IFI27L1: variants seen among roughly 807,000 people sequenced by gnomAD.
IFI27L1 encodes the protein interferon alpha inducible protein 27 like 1.
IFI27L1 carries 3 observed loss-of-function variants against 9.2 expected under a neutral mutation model. That is an observed-to-expected ratio of 0.32 (90% CI 0.15 to 0.84). The LOEUF (loss-of-function observed/expected upper bound fraction) is 0.84, where lower values mean the gene tolerates loss of function less well. Ranked by LOEUF, IFI27L1 falls within the 40% of genes least tolerant of loss-of-function variation. The pLI, the probability that IFI27L1 is intolerant of heterozygous loss-of-function variation, is 0.56. For missense variants in IFI27L1, 133 were observed against 134.2 expected, an observed-to-expected ratio of 0.99 and a Z score of 0.05; for synonymous variants, 53 against 50.0, an observed-to-expected ratio of 1.06 and a Z score of -0.26.
At chr14:94,091,502 A>G (rs942782365) in intron 1 of IFI27L1, among the ~76,000 whole-genome samples, 10 of 152,234 alleles carry the variant, frequency 6.6e-5, no homozygotes, top group African/African-American at 1.9e-4. Flanking sequence ...TTTATACCAA[A>G]TAAGGCAAAT....
At chr14:94,101,681 T>G (rs926392209) in intron 3 of IFI27L1, 133 bp from the exon 4 acceptor site, 4 of 829,376 alleles carry the variant, frequency 4.8e-6, no homozygotes, top group Non-Finnish European at 7.5e-6. Context: ...TGCCCTTGTT[T>G]TGGGATCCCA....
At position 94,101,880 on chromosome 14, in the gene IFI27L1, C is replaced by T. The variant is rs1595400120; in HGVS notation, c.128C>T (p.Ala43Val). 1 of 1,614,254 alleles carries T rather than the reference C, an allele frequency of 6.2e-7. No homozygotes were observed. The highest frequency in any genetic ancestry group is 8.5e-7 in the Non-Finnish European group (1 of 1,180,038). The change falls in exon 4 of 5, where the codon GCA becomes GTA. Residue 43 changes from alanine (A) to valine (V), a missense_variant. Physicochemically the swap from Ala to Val is moderately conservative, Grantham distance 64. Coordinates refer to ENST00000555523, the MANE Select transcript of IFI27L1 (RefSeq NM_206949.3). ...GGCTTCACCTCAGTAGGAATCGCCG[C>T]ATCCTCCATAGCAGCCAAGATGATG... Reference protein sequence around the residue: ...AMGFTSVGIAASSIAAKMMST... With the variant: ...AMGFTSVGIAVSSIAAKMMST...
chr14:94,096,374 G>T (rs945195368), intron 1 of IFI27L1, among the ~76,000 whole-genome samples: 1 of 152,124 alleles, frequency 6.6e-6, no homozygotes, highest in Non-Finnish European at 1.5e-5. Context: ...ATGCTGCTAC[G>T]AACATGGGTG....
intron 1 of IFI27L1, among the ~76,000 whole-genome samples, chr14:94,092,834 C>T (rs528332473): frequency 8.5e-5 from 13 of 152,254 alleles, no homozygotes; most frequent in African/African-American, 2.9e-4. Flanking sequence ...ATGCTGTTCT[C>T]GTGGTAGTAA....
At chr14:94,094,155 AG>A (rs1886584513) in intron 1 of IFI27L1, among the ~76,000 whole-genome samples, 1 of 152,124 alleles carries the variant, frequency 6.6e-6, no homozygotes, top group Non-Finnish European at 1.5e-5. Context: ...CCAAAGATTC[AG>A]GGGGTTAGAG....
chr14:94,101,473 A>T (rs897956567), intron 3 of IFI27L1: 2 of 354,730 alleles, frequency 5.6e-6, no homozygotes, highest in Non-Finnish European at 1.0e-5. Flanking sequence ...AACCTTTTGC[A>T]TGGAGAGATC....
chr14:94,100,934 A>C, intron 3 of IFI27L1, 163 bp downstream of exon 3: 1 of 770,692 alleles, frequency 1.3e-6, no homozygotes, highest in South Asian at 1.5e-5. Flanking sequence ...GCAGGAAGCA[A>C]AGCAAAGCCA....
intron 4 of IFI27L1, 149 bp downstream of exon 4, chr14:94,102,124 G>A: frequency 1.2e-6 from 1 of 829,548 alleles, no homozygotes; most frequent in African/African-American, 1.7e-5. Context: ...CTGGTTGGAG[G>A]TGGGACCAGG....
chr14:94,083,693 G>T (rs574427413), intron 1 of IFI27L1, among the ~76,000 whole-genome samples: 3 of 152,342 alleles, frequency 2.0e-5, no homozygotes, highest in East Asian at 3.9e-4. Context: ...GTAAGGGTAC[G>T]TGAGTGTTCA....
chr14:94,084,688 A>G (rs1042469102), intron 1 of IFI27L1, among the ~76,000 whole-genome samples: 2 of 152,194 alleles, frequency 1.3e-5, no homozygotes, highest in African/African-American at 4.8e-5. Context: ...ATGGCATTAC[A>G]TTATATCTTA....
intron 1 of IFI27L1, among the ~76,000 whole-genome samples, chr14:94,082,337 G>A (rs557962224): frequency 1.1e-4 from 16 of 152,058 alleles, no homozygotes; most frequent in South Asian, 8.3e-4. Flanking sequence ...GAAAGAAGCC[G>A]TCTCCAGAAC....
At chr14:94,096,139 CGTAGCTGGATATTG>C (rs1262808133) in intron 1 of IFI27L1, among the ~76,000 whole-genome samples, 1 of 152,078 alleles carries the variant, frequency 6.6e-6, no homozygotes, top group African/African-American at 2.4e-5. Flanking sequence ...AGGACAGAAA[CGTAGCTGGATATTG>C]GCAACAATAA....
chr14:94,086,705 A>G (rs1470862959), intron 1 of IFI27L1, among the ~76,000 whole-genome samples: 1 of 152,126 alleles, frequency 6.6e-6, no homozygotes, highest in Non-Finnish European at 1.5e-5. Flanking sequence ...TCTTAGAAGA[A>G]CTTTTGCAAA....
chr14:94,088,499 CT>C (rs3064010), intron 1 of IFI27L1, among the ~76,000 whole-genome samples: 86 of 124,804 alleles, frequency 6.9e-4, no homozygotes, highest in Admixed American at 1.1e-3. Context: ...CTGGAACAAT[CT>C]TTTTTTTTTT....
intron 1 of IFI27L1, among the ~76,000 whole-genome samples, chr14:94,083,801 T>C (rs1279060972): frequency 6.6e-6 from 1 of 152,182 alleles, no homozygotes; most frequent in Non-Finnish European, 1.5e-5. Flanking sequence ...AAAAAGAAAT[T>C]GGTTTAAGCC....
intron 1 of IFI27L1, among the ~76,000 whole-genome samples, chr14:94,082,262 G>A (rs1276684385): frequency 1.3e-5 from 2 of 151,650 alleles, no homozygotes; most frequent in African/African-American, 4.9e-5. Flanking sequence ...ATTCTATGAT[G>A]ACTGAGAGAG....
At chr14:94,093,024 G>A (rs1886535945) in intron 1 of IFI27L1, among the ~76,000 whole-genome samples, 1 of 151,864 alleles carries the variant, frequency 6.6e-6, no homozygotes, top group African/African-American at 2.4e-5. Context: ...TAGAGATGGG[G>A]TTTCACCATG....
chr14:94,101,918 A>G lies in IFI27L1; in HGVS notation c.166A>G (p.Ile56Val). Residue 56 changes from isoleucine to valine, a missense_variant, in exon 4 of 5, where the codon ATT (isoleucine) becomes GTT (valine). Physicochemically the swap from Ile to Val is conservative, Grantham distance 29. Transcript: ENST00000555523. ...IAAKMMSTAA[I>V]ANGGGVAAGS... is the part of the protein sequence containing the mutation. ...AGCCAAGATGATGTCTACAGCAGCC[A>G]TTGCCAACGGGGGCGGAGTTGCTGC... is the stretch of plus-strand genomic sequence containing the variant. 2 of 1,614,250 alleles carry G rather than the reference A, an allele frequency of 1.2e-6. No individual in the cohort carries two copies.
chr14:94,092,977 G>A (rs58268680), intron 1 of IFI27L1, among the ~76,000 whole-genome samples: 43,994 of 150,258 alleles, frequency 0.29, 6,718 homozygotes, highest in East Asian at 0.51. Context: ...GACTACAGGC[G>A]CACACCACCA....
Sources: allele counts gnomAD v4.1 joint callset (sites outside exome capture counted in the v4.1 genomes callset), GRCh38; gene constraint gnomAD v4.1.1; transcripts MANE v1.5; gene names NCBI Gene and HGNC (gene_info 2026-07-23, HGNC 2026-07-21).